STIM1: variants seen among roughly 807,000 people sequenced by gnomAD.
STIM1 encodes the protein stromal interaction molecule 1.
Under a neutral mutation model 74.7 loss-of-function variants are expected in STIM1, and 25 were observed. That is an observed-to-expected ratio of 0.33 (90% CI 0.24 to 0.47). The LOEUF (loss-of-function observed/expected upper bound fraction) is 0.47. STIM1 is among the 20% of genes least tolerant of loss of function. STIM1 has a pLI of 1.00. For synonymous variants in STIM1, 328 were observed against 348.8 expected, an observed-to-expected ratio of 0.94 and a Z score of 0.66; for missense variants, 728 against 920.8, an observed-to-expected ratio of 0.79 and a Z score of 2.71.
chr11:4,069,871 A>G (rs1313270674), intron 5 of STIM1, among the ~76,000 whole-genome samples, 155 bp from the exon 6 acceptor site: 1 of 152,238 alleles, frequency 6.6e-6, no homozygotes, highest in African/African-American at 2.4e-5. Flanking sequence ...GTAATAGTGT[A>G]TGGCAAGTGT....
intron 6 of STIM1, 101 bp downstream of exon 6, chr11:4,070,304 C>A: frequency 1.5e-6 from 2 of 1,338,562 alleles, no homozygotes; most frequent in Non-Finnish European, 2.1e-6. Flanking sequence ...ACCTTGTCAG[C>A]ATGGCAGCCC....
intron 2 of STIM1, among the ~76,000 whole-genome samples, chr11:3,991,410 C>G (rs1321919199): frequency 6.6e-6 from 1 of 151,546 alleles, no homozygotes; most frequent in Non-Finnish European, 1.5e-5. Context: ...GGCTCAAGCT[C>G]TCCTCCCGCC....
At chr11:3,986,898 C>T (rs2093562573) in intron 2 of STIM1, among the ~76,000 whole-genome samples, 1 of 152,106 alleles carries the variant, frequency 6.6e-6, no homozygotes, top group African/African-American at 2.4e-5. Flanking sequence ...TTTGTCAGTA[C>T]CCAACATGCA....
At chr11:3,871,902 C>T (rs1419295977) in intron 1 of STIM1, among the ~76,000 whole-genome samples, 1 of 152,190 alleles carries the variant, frequency 6.6e-6, no homozygotes, top group African/African-American at 2.4e-5. Context: ...GGCATTTATT[C>T]ATACACAAAT....
At chr11:3,945,092 G>C (rs61897169) in intron 1 of STIM1, among the ~76,000 whole-genome samples, 1 of 152,174 alleles carries the variant, frequency 6.6e-6, no homozygotes, top group African/African-American at 2.4e-5. Flanking sequence ...GCCTGGGTTT[G>C]AATCCTTACT....
Position 4,082,967 on chromosome 11 carries a change from A to T in STIM1, c.1223A>T (p.Lys408Ile). 1 of 1,614,004 alleles carries T rather than the reference A, an allele frequency of 6.2e-7. No individual in the cohort carries two copies. The highest frequency in any genetic ancestry group is 1.7e-5 in the Admixed American group (1 of 60,024). ...TCTTCCCTGGATGATGTAGATCATA[A>T]AATTCTAACAGCTAAGTAAGTAACA... ...HSSSLDDVDH[K>I]ILTAKQALSE... Residue 408 changes from lysine to isoleucine, a missense_variant, in exon 9 of 13, where the codon AAA becomes ATA. By Grantham distance (102) the Lys-to-Ile change is moderately radical. Coordinates refer to ENST00000526596, the MANE Select transcript of STIM1 (RefSeq NM_001382567.1).
intron 6 of STIM1, among the ~76,000 whole-genome samples, chr11:4,073,029 G>A (rs1006030216): frequency 7.4e-6 from 1 of 135,978 alleles, no homozygotes; most frequent in African/African-American, 2.7e-5. Context: ...CTCCGCCACT[G>A]ATAGCTCTGG....
In STIM1 at chr11:3,979,078, T is replaced by C. The variant is rs145469656; in HGVS notation, c.270+11396T>C. On this transcript the variant is annotated intron_variant, in intron 2 of 12. Transcript: ENST00000526596. ...AAAGTGCCAGGAGGAACTTGGACTT[T>C]ATAGGTAGTAGTATATAGGGAGAGA... Among the ~76,000 whole-genome samples the C allele has an allele frequency of 2.6e-3, 395 of 152,294 alleles. 2 individuals are homozygous for C. The highest frequency in any genetic ancestry group is 8.7e-3 in the African/African-American group (360 of 41,558).
chr11:3,898,337 C>A, intron 1 of STIM1, among the ~76,000 whole-genome samples: 1 of 26,790 alleles, frequency 3.7e-5, no homozygotes, highest in East Asian at 1.0e-3. Flanking sequence ...TGTTCATGTC[C>A]TTTGCCCACT....
rs143234562 is a variant in STIM1 at position 4,021,918 on chromosome 11, T to C, written c.271-1955T>C. Among the ~76,000 whole-genome samples the C allele has an allele frequency of 1.7e-3, 255 of 152,326 alleles. 1 individual carries two copies. Among genetic ancestry groups the C allele is most frequent in the African/African-American group, 5.7e-3 (238 of 41,576 alleles). ...TTTACCTCCTTGGTTAAATTTATTC[T>C]TAGGTATTTTATTATTTTTTGTAGC... is the stretch of plus-strand genomic sequence containing the variant. On this transcript the variant is annotated intron_variant, in intron 2 of 12. Transcript: ENST00000526596.
chr11:4,025,853 T>C (rs1485849133), intron 3 of STIM1, among the ~76,000 whole-genome samples: 1 of 152,180 alleles, frequency 6.6e-6, no homozygotes, highest in Non-Finnish European at 1.5e-5. Flanking sequence ...GTGAGGTTTT[T>C]TGGGGGAGAG....
At chr11:3,953,949 A>T (rs537111958) in intron 1 of STIM1, among the ~76,000 whole-genome samples, 46 of 151,776 alleles carry the variant, frequency 3.0e-4, no homozygotes, top group African/African-American at 1.1e-3. Context: ...CTCCCAGCTA[A>T]TTTTTGTATT....
chr11:4,019,646 C>A (rs181904053), intron 2 of STIM1, among the ~76,000 whole-genome samples: 6 of 152,004 alleles, frequency 3.9e-5, no homozygotes, highest in Non-Finnish European at 8.8e-5. Context: ...AACAAAAAAC[C>A]CCACCAACCA....
chr11:4,084,615 G>A, intron 10 of STIM1, 58 bp from the exon 11 acceptor site: 1 of 1,263,448 alleles, frequency 7.9e-7, no homozygotes, highest in East Asian at 5.6e-5. Flanking sequence ...TTGATGGCAG[G>A]CCGAAGCCCT....
intron 1 of STIM1, among the ~76,000 whole-genome samples, chr11:3,936,952 A>C (rs972635066): frequency 6.6e-6 from 1 of 152,164 alleles, no homozygotes; most frequent in Admixed American, 6.5e-5. Flanking sequence ...TGAATATGAC[A>C]TATCTCATAT....
intron 1 of STIM1, among the ~76,000 whole-genome samples, chr11:3,917,572 C>A (rs944965125): frequency 1.3e-5 from 2 of 151,884 alleles, no homozygotes; most frequent in Non-Finnish European, 2.9e-5. Context: ...GTAGCTGGGA[C>A]TACAGGCGCA....
At chr11:3,958,115 C>T (rs535852834) in intron 1 of STIM1, among the ~76,000 whole-genome samples, 7 of 152,330 alleles carry the variant, frequency 4.6e-5, no homozygotes, top group South Asian at 2.1e-4. Context: ...CCGCCCATCT[C>T]GGCCTCCCAA....
chr11:4,027,347 T>C (rs1368143985), intron 3 of STIM1, among the ~76,000 whole-genome samples: 8 of 152,124 alleles, frequency 5.3e-5, no homozygotes, highest in Non-Finnish European at 1.2e-4. Context: ...AGTCTCACTC[T>C]GTCACCTGGG....
intron 1 of STIM1, among the ~76,000 whole-genome samples, chr11:3,953,784 C>CTTT (rs1237093007): frequency 7.5e-6 from 1 of 133,534 alleles, no homozygotes; most frequent in Non-Finnish European, 1.5e-5. Flanking sequence ...CTTCTTCTTT[C>CTTT]TTTTTTTTTT....
Sources: allele counts gnomAD v4.1 joint callset (sites outside exome capture counted in the v4.1 genomes callset), GRCh38; gene constraint gnomAD v4.1.1; transcripts MANE v1.5; gene names NCBI Gene and HGNC (gene_info 2026-07-23, HGNC 2026-07-21).